The following SYT2 variants were observed in gnomAD, a reference collection of about 807,000 sequenced individuals.
SYT2 encodes synaptotagmin 2.
In SYT2, 15 loss-of-function variants were observed where a neutral mutation model predicts 39.9. That is an observed-to-expected ratio of 0.38 (90% CI 0.25 to 0.58). The LOEUF (loss-of-function observed/expected upper bound fraction) is 0.58. SYT2 is among the 20% of genes least tolerant of loss of function. The pLI is 0.70. For missense variants in SYT2, 389 were observed against 530.3 expected (o/e 0.73, Z 2.62); for synonymous variants, 181 against 204.5 (o/e 0.89, Z 0.98).
intron 1 of SYT2, among the ~76,000 whole-genome samples, chr1:202,608,615 A>G (rs1690785029): frequency 6.6e-6 from 1 of 152,200 alleles, no homozygotes; most frequent in Admixed American, 6.5e-5. Context: ...CAATTTATAA[A>G]TATTTGGGTT....
chr1:202,644,069 G>A (rs1416864274), intron 1 of SYT2, among the ~76,000 whole-genome samples: 2 of 152,222 alleles, frequency 1.3e-5, no homozygotes, highest in African/African-American at 4.8e-5. Flanking sequence ...GGCAGATGCT[G>A]GAGGGGAAGG....
intron 1 of SYT2, among the ~76,000 whole-genome samples, chr1:202,667,466 CGTGTGT>C (rs35072265): frequency 0.025 from 3,530 of 140,774 alleles, 54 homozygotes; most frequent in Middle Eastern, 0.055. Context: ...AGTGACCAGC[CGTGTGT>C]GTGTGTGTGT....
At chr1:202,644,733 G>C (rs960507681) in intron 1 of SYT2, among the ~76,000 whole-genome samples, 3 of 152,118 alleles carry the variant, frequency 2.0e-5, no homozygotes, top group Non-Finnish European at 4.4e-5. Flanking sequence ...GTGTGTTGGG[G>C]GGGGCAGTCA....
intron 1 of SYT2, among the ~76,000 whole-genome samples, chr1:202,708,269 C>T (rs1270676734): frequency 6.6e-6 from 1 of 152,062 alleles, no homozygotes; most frequent in East Asian, 1.9e-4. Context: ...CTGGACCAAG[C>T]TCCTGGACTG....
chr1:202,630,072 C>T (rs532302819), intron 1 of SYT2, among the ~76,000 whole-genome samples: 12 of 151,976 alleles, frequency 7.9e-5, no homozygotes, highest in East Asian at 5.8e-4. Context: ...AGGAAAGCTC[C>T]GAAGAACAGA....
chr1:202,630,184 G>A (rs1558438911), intron 1 of SYT2, among the ~76,000 whole-genome samples: 3 of 152,198 alleles, frequency 2.0e-5, no homozygotes, highest in Non-Finnish European at 2.9e-5. Context: ...TTACACTGGT[G>A]CATATATCCA....
At chr1:202,705,142 C>A (rs1654216636) in intron 1 of SYT2, among the ~76,000 whole-genome samples, 1 of 152,282 alleles carries the variant, frequency 6.6e-6, no homozygotes, top group Admixed American at 6.5e-5. Flanking sequence ...GACCACTCAG[C>A]TGCTGTGGCC....
At chr1:202,645,097 GC>G (rs1381935349) in intron 1 of SYT2, among the ~76,000 whole-genome samples, 2 of 152,174 alleles carry the variant, frequency 1.3e-5, no homozygotes, top group Non-Finnish European at 2.9e-5. Context: ...GAGGACACAT[GC>G]CTGAGCCCCT....
intron 1 of SYT2, among the ~76,000 whole-genome samples, chr1:202,708,629 T>G (rs1654310790): frequency 1.3e-5 from 2 of 152,052 alleles, no homozygotes; most frequent in Non-Finnish European, 1.5e-5. Flanking sequence ...TAGGCTGCAG[T>G]GTGCCTGGCG....
chr1:202,645,358 T>C (rs1692059073), intron 1 of SYT2, among the ~76,000 whole-genome samples: 2 of 152,180 alleles, frequency 1.3e-5, no homozygotes. Flanking sequence ...AGTGCTTCTG[T>C]TTTGAAATCT....
chr1:202,626,994 T>C (rs7552201), intron 1 of SYT2, among the ~76,000 whole-genome samples: 70,786 of 152,080 alleles, frequency 0.47, 17,607 homozygotes, highest in African/African-American at 0.64. Flanking sequence ...GGGGCTAGGC[T>C]GAGTCCATGC....
chr1:202,684,551 G>A (rs1236039628), intron 1 of SYT2, among the ~76,000 whole-genome samples: 1 of 152,078 alleles, frequency 6.6e-6, no homozygotes, highest in Non-Finnish European at 1.5e-5. Context: ...TGAACTTTAA[G>A]TTGTTCCCAT....
chr1:202,705,313 C>T (rs1396026665), intron 1 of SYT2, among the ~76,000 whole-genome samples: 1 of 152,258 alleles, frequency 6.6e-6, no homozygotes, highest in Non-Finnish European at 1.5e-5. Context: ...GAGAGCTTGA[C>T]CGCCCTTGTG....
chr1:202,630,670 C>A (rs1027595428), intron 1 of SYT2, among the ~76,000 whole-genome samples: 1 of 152,182 alleles, frequency 6.6e-6, no homozygotes, highest in African/African-American at 2.4e-5. Context: ...ACACCCCTGG[C>A]TCCAGAGACG....
chr1:202,597,037 C>G, intron 8 of SYT2, 74 bp from the exon 9 acceptor site: 1 of 1,324,750 alleles, frequency 7.5e-7, no homozygotes, highest in Non-Finnish European at 1.1e-6. Context: ...CCTCCATCAA[C>G]CTCTACTCCC....
chr1:202,654,273 TCA>T (rs1263248743), intron 1 of SYT2, among the ~76,000 whole-genome samples: 2 of 152,176 alleles, frequency 1.3e-5, no homozygotes, highest in East Asian at 1.9e-4. Flanking sequence ...ACTAATATTT[TCA>T]CAGTCACGTG....
intron 1 of SYT2, chr1:202,627,666 T>C: frequency 1.0e-6 from 1 of 982,790 alleles, no homozygotes; most frequent in Non-Finnish European, 1.2e-6. Context: ...AATGAGGGTT[T>C]GACCAGGAGT....
intron 1 of SYT2, among the ~76,000 whole-genome samples, chr1:202,618,723 A>G (rs1246479894): frequency 6.6e-6 from 1 of 152,194 alleles, no homozygotes; most frequent in African/African-American, 2.4e-5. Flanking sequence ...CTCAGCATGT[A>G]GAGAACCACT....
intron 1 of SYT2, among the ~76,000 whole-genome samples, chr1:202,655,656 G>A (rs1005288884): frequency 6.6e-6 from 1 of 152,072 alleles, no homozygotes; most frequent in Non-Finnish European, 1.5e-5. Context: ...GCAGTGAGTG[G>A]CAGGGGTTAC....
Sources: gnomAD v4.1 joint callset for allele counts (sites outside exome capture counted in the v4.1 genomes callset) on GRCh38, gnomAD v4.1.1 for gene constraint, MANE v1.5 for transcripts, NCBI Gene and HGNC (gene_info 2026-07-23, HGNC 2026-07-21) for gene names.